ATAD3B: variants seen among roughly 807,000 people sequenced by gnomAD.
The protein encoded by ATAD3B is ATPase family AAA domain containing 3B, also known as ATPase family AAA domain-containing protein 3B.
A neutral mutation model predicts 70.2 loss-of-function variants in ATAD3B; 59 were observed. The observed-to-expected ratio is 0.84, with a 90% CI of 0.68 to 1.04. The LOEUF (loss-of-function observed/expected upper bound fraction) is 1.04, where lower values mean the gene tolerates loss of function less well. Among genes scored for constraint, ATAD3B ranks in the 50% least tolerant of loss-of-function variants. ATAD3B has a pLI of 0.00. For missense variants in ATAD3B, 961 were observed against 913.4 expected, an observed-to-expected ratio of 1.05 and a Z score of -0.67; for synonymous variants, 423 against 388.6, an observed-to-expected ratio of 1.09 and a Z score of -1.04.
chr1:1,498,157 A>G (rs112008213), downstream of ATAD3B, among the ~76,000 whole-genome samples: 162 of 151,924 alleles, frequency 1.1e-3, no homozygotes, highest in African/African-American at 3.7e-3. Context: ...TACGAAAGTT[A>G]GCCGGCATGG....
chr1:1,498,600 GTC>G (rs563349576), downstream of ATAD3B, among the ~76,000 whole-genome samples: 52 of 152,038 alleles, frequency 3.4e-4, 2 homozygotes, highest in South Asian at 1.0e-2. Flanking sequence ...TACAGACGGG[GTC>G]TCTCTTTGTT....
chr1:1,489,873 G>C lies in ATAD3B; in HGVS notation c.1338-384G>C. 13 of 1,217,916 alleles carry C rather than the reference G, an allele frequency of 1.1e-5. No homozygotes were observed. The South Asian group carries it at 1.5e-4, about 14-fold the overall frequency. The allele number at this position is 1,217,916 out of a possible 1,614,324, so 75.4% of individuals were successfully genotyped here. Reference sequence around the variant, plus strand: ...GCCTCTGCTGAACCCGGGCCCCCGAGGTCCTGCTTCTGGCTCGCATGGCCA... The same window carrying C: ...GCCTCTGCTGAACCCGGGCCCCCGACGTCCTGCTTCTGGCTCGCATGGCCA... On this transcript the variant is annotated intron_variant, in intron 13 of 15. Coordinates refer to ENST00000673477, the MANE Select transcript of ATAD3B (RefSeq NM_031921.6).
rs1640210382 is a variant in ATAD3B, at chr1:1,486,253, A to G, written c.1089+18A>G. 4 of 1,612,448 alleles carry G rather than the reference A, an allele frequency of 2.5e-6. No individual in the cohort carries two copies. The highest frequency in any genetic ancestry group is 1.3e-5 in the African/African-American group (1 of 74,860). On this transcript the variant is annotated intron_variant, in intron 10 of 15. Transcript: ENST00000673477. ...TTGCCAAGGTGAGAGCGCCTGGCTG[A>G]ACAGGTGGGCCAGGGGCCGCTGGGG...
chr1:1,479,661 A>G (rs1639796463), intron 4 of ATAD3B, among the ~76,000 whole-genome samples: 1 of 140,710 alleles, frequency 7.1e-6, no homozygotes. Context: ...GTATGCAGAC[A>G]CACCCAAACA....
intron 15 of ATAD3B, among the ~76,000 whole-genome samples, chr1:1,493,801 A>G (rs1486212341): frequency 6.6e-6 from 1 of 151,738 alleles, no homozygotes; most frequent in Non-Finnish European, 1.5e-5. Context: ...GAGTCCTTTA[A>G]CTATACTGCT....
chr1:1,494,904 G>T (rs1158150096), intron 15 of ATAD3B, among the ~76,000 whole-genome samples: 1 of 152,046 alleles, frequency 6.6e-6, no homozygotes, highest in East Asian at 1.9e-4. Context: ...GATGGAGAGC[G>T]ACCTGTCCGT....
chr1:1,483,641 A>T (rs1325215616), intron 7 of ATAD3B: 1 of 159,074 alleles, frequency 6.3e-6, no homozygotes, highest in African/African-American at 2.4e-5. Flanking sequence ...GCCTCGTGGC[A>T]CAGGTCTGTA....
rs548542510 is a variant in ATAD3B, at chr1:1,489,305, G to C, written c.1337+31G>C. On this transcript the variant is annotated intron_variant, in intron 13 of 15. Transcript: ENST00000673477. ...GGAGCCCCTCGGGTCCTGAGCCCCC[G>C]GGCAGGGCTGTGCAGCCGTCGCCCT... 115 of 1,612,826 alleles carry C rather than the reference G, an allele frequency of 7.1e-5. 2 individuals are homozygous for C. The East Asian group carries it at 1.4e-3, about 19-fold the overall frequency.
intron 15 of ATAD3B, among the ~76,000 whole-genome samples, chr1:1,493,008 G>A (rs1640614878): frequency 6.6e-6 from 1 of 151,848 alleles, no homozygotes; most frequent in South Asian, 2.1e-4. Flanking sequence ...CTGCTCGGGA[G>A]GCTGAGTCAG....
chr1:1,486,402 G>C, intron 10 of ATAD3B, 142 bp from the exon 11 acceptor site: 1 of 1,586,472 alleles, frequency 6.3e-7, no homozygotes, highest in Non-Finnish European at 8.6e-7. Context: ...CCATCTTCCA[G>C]GCGGGGGACG....
At chr1:1,489,841 C>T (rs1245984001) in intron 13 of ATAD3B, 6 of 1,231,338 alleles carry the variant, frequency 4.9e-6, no homozygotes, top group East Asian at 5.6e-5. Context: ...GGCTGGGGCC[C>T]TGCTGAGCCT....
rs369202621 is a variant in ATAD3B at position 1,490,653 on chromosome 1, G to T, written c.1596G>T (p.Gln532His). The change falls in exon 15 of 16, where the codon CAG becomes CAT. Residue 532 changes from glutamine to histidine, a missense_variant. Around this residue, in one of 4 missense-constraint regions of ATAD3B, gnomAD observed 417 missense variants for 335.0 expected, o/e 1.24. Coordinates refer to ENST00000673477, the MANE Select transcript of ATAD3B (RefSeq NM_031921.6). The part of the protein sequence containing the change: ...TEGMSGREIA[Q>H]LAVSWQATAY... ...GCATGTCGGGCCGGGAGATCGCTCA[G>T]CTGGCCGTGTCCTGGCAGGTGAGTC... 5.0e-5 allele frequency: 80 copies of T among 1,596,662 alleles called. No individual in the cohort carries two copies. The Admixed American group carries it at 7.1e-4, about 14-fold the overall frequency.
chr1:1,502,669 G>A (rs1247196417), downstream of ATAD3B, among the ~76,000 whole-genome samples: 2 of 150,936 alleles, frequency 1.3e-5, no homozygotes, highest in African/African-American at 4.9e-5. Context: ...AGGCCGACAT[G>A]CCCGGCTAAT....
At position 1,497,755 on chromosome 1, in the gene ATAD3B, A is replaced by G. The variant is rs1348162647; in HGVS notation, c.*1938A>G. 6.7e-6 allele frequency: 1 copy of G among 149,490 alleles called. No individual in the cohort carries two copies. The highest frequency in any genetic ancestry group is 1.5e-5 in the Non-Finnish European group (1 of 67,840). The allele number at this position is 149,490 out of a possible 1,614,324, so 9.3% of individuals were successfully genotyped here. A position where few individuals can be genotyped will look rare whatever the true frequency, so the allele number is the denominator to read the frequency against. ...GTGGTAGGTGACTGTAATCCCAGCT[A>G]CTCGGGAGGCTGAGGCAGGAGACTC... On this transcript the variant is annotated 3_prime_UTR_variant, in exon 16 of 16. Coordinates refer to ENST00000673477, the MANE Select transcript of ATAD3B (RefSeq NM_031921.6).
At chr1:1,504,783 G>C in the ATAD3B span, among the ~76,000 whole-genome samples, 1 of 152,202 alleles carries the variant, frequency 6.6e-6, no homozygotes, top group Non-Finnish European at 1.5e-5. Flanking sequence ...CCCTCCCTGT[G>C]GAGTGTTCTT....
chr1:1,494,199 G>A (rs1217952695), intron 15 of ATAD3B, among the ~76,000 whole-genome samples: 2 of 151,796 alleles, frequency 1.3e-5, no homozygotes, highest in East Asian at 3.9e-4. Flanking sequence ...TCCCACCCAG[G>A]AGGCCACGTG....
Position 1,495,641 on chromosome 1 carries a change from G to C in ATAD3B, c.1771G>C (p.Glu591Gln), listed in dbSNP as rs777575157. Residue 591 changes from glutamate to glutamine, a missense_variant, in exon 16 of 16, where the codon GAG becomes CAG. Around this residue, in one of 4 missense-constraint regions of ATAD3B, gnomAD observed 417 missense variants for 335.0 expected, o/e 1.24. Transcript: ENST00000673477. ...GCACCCCCTATCCGGAGTCCAAGGC[G>C]AGACCCTCACCTCATGGAGCCTGGC... ...VEHPLSGVQG[E>Q]TLTSWSLATD... 1.2e-6 allele frequency: 2 copies of C among 1,612,944 alleles called. No individual in the cohort carries two copies. Among genetic ancestry groups the C allele is most frequent in the Admixed American group, 3.3e-5 (2 of 59,932 alleles).
the ATAD3B span, among the ~76,000 whole-genome samples, chr1:1,507,790 A>C: frequency 1.3e-5 from 2 of 152,226 alleles, no homozygotes; most frequent in Admixed American, 1.3e-4. Context: ...CATGTGAAGA[A>C]ATCAGGTCCA....
At chr1:1,473,225 C>T (rs1160880784) in intron 1 of ATAD3B, among the ~76,000 whole-genome samples, 2 of 148,510 alleles carry the variant, frequency 1.3e-5, no homozygotes, top group African/African-American at 5.0e-5. Flanking sequence ...CTGCAAGCTC[C>T]GCCTCCCGTG....
Sources: allele counts gnomAD v4.1 joint callset (sites outside exome capture counted in the v4.1 genomes callset), GRCh38; gene constraint gnomAD v4.1.1; regional missense constraint gnomAD v4.1.1; transcripts MANE v1.5; gene names NCBI Gene and HGNC (gene_info 2026-07-23, HGNC 2026-07-21).